ENOX1: variants seen among roughly 807,000 people sequenced by gnomAD.
ENOX1 encodes the protein candidate growth-related and time keeping constitutive hydroquinone (NADH) oxidase.
ENOX1 carries 42 observed loss-of-function variants against 82.5 expected under a neutral mutation model. The ratio of observed to expected loss-of-function variants is 0.51; its 90% CI spans 0.40 to 0.66. The LOEUF (loss-of-function observed/expected upper bound fraction) is 0.66. Ranked by LOEUF, ENOX1 falls within the 30% of genes least tolerant of loss-of-function variation. ENOX1 has a pLI of 0.00. For synonymous variants in ENOX1, 271 were observed against 282.2 expected (o/e 0.96, Z 0.40); for missense variants, 608 against 811.6 (o/e 0.75, Z 3.05).
At chr13:43,231,291 C>T (rs1016312136) in intron 15 of ENOX1, among the ~76,000 whole-genome samples, 24 of 152,168 alleles carry the variant, frequency 1.6e-4, no homozygotes, top group African/African-American at 5.8e-4. Flanking sequence ...ATCTGGGTCT[C>T]CTAGTAAGCC....
intron 3 of ENOX1, among the ~76,000 whole-genome samples, chr13:43,434,261 A>G (rs913949101): frequency 2.6e-5 from 4 of 152,238 alleles, no homozygotes; most frequent in Non-Finnish European, 5.9e-5. Context: ...GAGAGGTCTT[A>G]AAACTGTGCT....
At chr13:43,219,207 T>C (rs2041654958) in intron 16 of ENOX1, among the ~76,000 whole-genome samples, 1 of 152,038 alleles carries the variant, frequency 6.6e-6, no homozygotes, top group Non-Finnish European at 1.5e-5. Context: ...AGTGAAGGGG[T>C]AGAACTTGGA....
chr13:43,297,822 ACT>A (rs139877753), intron 12 of ENOX1, among the ~76,000 whole-genome samples: 13,141 of 152,160 alleles, frequency 0.086, 670 homozygotes, highest in Middle Eastern at 0.14. Context: ...ATCCCCCAAA[ACT>A]CTGATGCTTC....
At chr13:43,477,294 T>C (rs2058328732) in intron 3 of ENOX1, among the ~76,000 whole-genome samples, 1 of 151,978 alleles carries the variant, frequency 6.6e-6, no homozygotes, top group Non-Finnish European at 1.5e-5. Flanking sequence ...GAAGTAGATA[T>C]CTGAAGAACA....
At chr13:43,672,586 G>A (rs574683355) in intron 1 of ENOX1, among the ~76,000 whole-genome samples, 1 of 152,106 alleles carries the variant, frequency 6.6e-6, no homozygotes, top group Non-Finnish European at 1.5e-5. Context: ...ATGAGGAAAA[G>A]ATATTTTCTC....
intron 2 of ENOX1, among the ~76,000 whole-genome samples, chr13:43,596,195 A>G (rs758977255): frequency 6.5e-4 from 99 of 152,358 alleles, no homozygotes; most frequent in Admixed American, 4.6e-4. Context: ...GCATGTTAAC[A>G]TAGATTTTAA....
At chr13:43,685,593 C>T (rs1245894069) in intron 1 of ENOX1, among the ~76,000 whole-genome samples, 2 of 152,016 alleles carry the variant, frequency 1.3e-5, no homozygotes, top group Non-Finnish European at 2.9e-5. Flanking sequence ...AAAGGAAATT[C>T]TGAAAGAAAG....
intron 2 of ENOX1, among the ~76,000 whole-genome samples, chr13:43,500,198 T>C (rs2153667364): frequency 6.6e-6 from 1 of 152,152 alleles, no homozygotes; most frequent in East Asian, 1.9e-4. Flanking sequence ...AAAGAAATAA[T>C]GGCTGAACTT....
intron 3 of ENOX1, among the ~76,000 whole-genome samples, chr13:43,433,645 A>G (rs2055821971): frequency 6.6e-6 from 1 of 152,256 alleles, no homozygotes; most frequent in African/African-American, 2.4e-5. Context: ...CTCTAAATGT[A>G]ATAAGAACAC....
intron 2 of ENOX1, among the ~76,000 whole-genome samples, chr13:43,566,480 G>C (rs1475775507): frequency 6.6e-6 from 1 of 151,828 alleles, no homozygotes; most frequent in Non-Finnish European, 1.5e-5. Context: ...GAACACCCAG[G>C]ACAAATAAAT....
At chr13:43,756,065 T>C (rs1322607929) in intron 1 of ENOX1, among the ~76,000 whole-genome samples, 2 of 152,058 alleles carry the variant, frequency 1.3e-5, no homozygotes, top group Admixed American at 1.3e-4. Flanking sequence ...ACATTCGGGG[T>C]GACATAGTGG....
At chr13:43,578,882 T>G (rs577878138) in intron 2 of ENOX1, among the ~76,000 whole-genome samples, 16 of 152,324 alleles carry the variant, frequency 1.1e-4, no homozygotes, top group African/African-American at 3.6e-4. Flanking sequence ...ACTTTATAAC[T>G]GGAAAATTTG....
intron 2 of ENOX1, among the ~76,000 whole-genome samples, chr13:43,579,989 T>G (rs1007857201): frequency 6.6e-6 from 1 of 151,908 alleles, no homozygotes; most frequent in African/African-American, 2.4e-5. Context: ...GGTAGGGTGG[T>G]GAGGGCTGTG....
At chr13:43,434,944 T>G (rs907685782) in intron 3 of ENOX1, among the ~76,000 whole-genome samples, 4,985 of 132,182 alleles carry the variant, frequency 0.038, 82 homozygotes, top group African/African-American at 0.068. Flanking sequence ...GTGGTTTTTT[T>G]TTTTTTTTTT....
intron 3 of ENOX1, among the ~76,000 whole-genome samples, chr13:43,432,091 C>T (rs2055705998): frequency 6.6e-6 from 1 of 152,176 alleles, no homozygotes; most frequent in South Asian, 2.1e-4. Flanking sequence ...CCTCTCCCTT[C>T]TGACTGACCC....
chr13:43,528,365 G>C (rs2078070614), intron 2 of ENOX1, among the ~76,000 whole-genome samples: 1 of 152,060 alleles, frequency 6.6e-6, no homozygotes, highest in Non-Finnish European at 1.5e-5. Context: ...CTAAGAACTA[G>C]AATTGTTGGA....
intron 1 of ENOX1, among the ~76,000 whole-genome samples, chr13:43,700,928 A>C (rs1392928433): frequency 2.0e-5 from 3 of 151,930 alleles, no homozygotes; most frequent in Non-Finnish European, 4.4e-5. Flanking sequence ...CTATTCTTGC[A>C]ATACACTTTT....
intron 16 of ENOX1, among the ~76,000 whole-genome samples, chr13:43,223,383 T>C (rs2041882721): frequency 6.6e-6 from 1 of 152,204 alleles, no homozygotes; most frequent in Non-Finnish European, 1.5e-5. Flanking sequence ...CTTCCATTGT[T>C]CACATGAATT....
intron 5 of ENOX1, among the ~76,000 whole-genome samples, chr13:43,376,128 C>T (rs2051617437): frequency 6.6e-6 from 1 of 152,074 alleles, no homozygotes; most frequent in African/African-American, 2.4e-5. Flanking sequence ...TTTTTTTTTA[C>T]TATAACCAAA....
Sources: gnomAD v4.1 joint callset for allele counts (sites outside exome capture counted in the v4.1 genomes callset) on GRCh38, gnomAD v4.1.1 for gene constraint, MANE v1.5 for transcripts, NCBI Gene and HGNC (gene_info 2026-07-23, HGNC 2026-07-21) for gene names.